The following NFIL3 variants were observed in gnomAD, a reference collection of about 807,000 sequenced individuals.
NFIL3 encodes the protein nuclear factor, interleukin 3 regulated, also known as nuclear factor interleukin-3-regulated protein.
Under a neutral mutation model 10.0 loss-of-function variants are expected in NFIL3, and 5 were observed. The observed-to-expected ratio is 0.50, with a 90% CI of 0.26 to 1.06. The LOEUF (loss-of-function observed/expected upper bound fraction) is 1.06. Among genes scored for constraint, NFIL3 ranks in the 50% least tolerant of loss-of-function variants. The pLI is 0.13. For missense variants in NFIL3, 436 were observed against 547.6 expected, an observed-to-expected ratio of 0.80 and a Z score of 2.03; for synonymous variants, 202 against 206.5, an observed-to-expected ratio of 0.98 and a Z score of 0.19.
chr9:91,476,287 G>A, the NFIL3 span, among the ~76,000 whole-genome samples: 1 of 152,090 alleles, frequency 6.6e-6, no homozygotes. Flanking sequence ...AAAGAATCAC[G>A]ACTGACCGGG....
chr9:91,428,859 A>G, the NFIL3 span, among the ~76,000 whole-genome samples: 2 of 152,238 alleles, frequency 1.3e-5, no homozygotes, highest in Non-Finnish European at 2.9e-5. Context: ...TTCAGATTAA[A>G]TGGTATATGT....
rs1462936313 is a variant in NFIL3, at chr9:91,409,730, C to A, written c.1005G>T (p.Gln335His). ...CATTATCAAAGGCTTCTACTTTGAT[C>A]TGCATGGCTTTGGCTTTGATCCGGA... ...HKLRIKAKAMQIKVEAFDNEF... is the reference protein window; with the variant it reads ...HKLRIKAKAMHIKVEAFDNEF... Residue 335 changes from glutamine (Q) to histidine (H), a missense_variant, in exon 2 of 2, where the codon CAG (glutamine) becomes CAT (histidine). Coordinates refer to ENST00000297689, the MANE Select transcript of NFIL3 (RefSeq NM_005384.3). 1 of 1,614,072 alleles carries A rather than the reference C, an allele frequency of 6.2e-7. No individual in the cohort carries two copies. The highest frequency in any genetic ancestry group is 1.3e-5 in the African/African-American group (1 of 74,914).
At chr9:91,444,734 T>C in the NFIL3 span, among the ~76,000 whole-genome samples, 8 of 152,252 alleles carry the variant, frequency 5.3e-5, no homozygotes, top group East Asian at 1.5e-3. Flanking sequence ...GCCTCAGTGG[T>C]CTAGGCTGCA....
At chr9:91,425,262 C>T (rs1833858519), upstream of NFIL3, among the ~76,000 whole-genome samples, 1 of 152,226 alleles carries the variant, frequency 6.6e-6, no homozygotes, top group Non-Finnish European at 1.5e-5. Flanking sequence ...GGTACCATCC[C>T]TAGTGTCTGC....
At chr9:91,434,544 GT>G in the NFIL3 span, among the ~76,000 whole-genome samples, 1 of 152,062 alleles carries the variant, frequency 6.6e-6, no homozygotes, top group African/African-American at 2.4e-5. Context: ...AAACCCAGAA[GT>G]TACAAAAGAA....
At chr9:91,467,866 T>G in the NFIL3 span, among the ~76,000 whole-genome samples, 1 of 152,234 alleles carries the variant, frequency 6.6e-6, no homozygotes, top group Non-Finnish European at 1.5e-5. Context: ...AGACATGAAC[T>G]CATCCTTTTT....
the NFIL3 span, among the ~76,000 whole-genome samples, chr9:91,482,919 G>T: frequency 6.6e-6 from 1 of 152,184 alleles, no homozygotes; most frequent in Non-Finnish European, 1.5e-5. Context: ...CCCGAAAGGC[G>T]CACATGTCAG....
At chr9:91,432,854 A>G in the NFIL3 span, among the ~76,000 whole-genome samples, 1 of 152,202 alleles carries the variant, frequency 6.6e-6, no homozygotes, top group Non-Finnish European at 1.5e-5. Flanking sequence ...TGATAAAAGG[A>G]AAACATTTTG....
chr9:91,432,810 C>A, the NFIL3 span, among the ~76,000 whole-genome samples: 1 of 152,096 alleles, frequency 6.6e-6, no homozygotes, highest in Non-Finnish European at 1.5e-5. Context: ...GCTAAAGTAG[C>A]TGGAGAGTAG....
the NFIL3 span, among the ~76,000 whole-genome samples, chr9:91,430,422 T>C: frequency 4.5e-3 from 691 of 152,182 alleles, 9 homozygotes; most frequent in African/African-American, 0.016. Context: ...TACTGACTAC[T>C]TAGCAGGGGC....
At chr9:91,424,913 G>C (rs1385237739), upstream of NFIL3, among the ~76,000 whole-genome samples, 2 of 152,212 alleles carry the variant, frequency 1.3e-5, no homozygotes, top group Non-Finnish European at 2.9e-5. Context: ...CTACGGAAGA[G>C]ACGTAAAAAA....
At chr9:91,453,259 C>T in the NFIL3 span, among the ~76,000 whole-genome samples, 44 of 152,138 alleles carry the variant, frequency 2.9e-4, no homozygotes, top group African/African-American at 8.9e-4. Flanking sequence ...TTAGGGCCCA[C>T]ACTAATGACC....
the NFIL3 span, among the ~76,000 whole-genome samples, chr9:91,458,020 G>C: frequency 1.3e-5 from 2 of 151,616 alleles, no homozygotes; most frequent in African/African-American, 4.8e-5. Flanking sequence ...ACCCCACTTT[G>C]CCATGTTATA....
At chr9:91,473,513 C>G in the NFIL3 span, among the ~76,000 whole-genome samples, 1 of 152,238 alleles carries the variant, frequency 6.6e-6, no homozygotes, top group South Asian at 2.1e-4. Flanking sequence ...ACCCGCCGAG[C>G]CAGGCATGGG....
the NFIL3 span, among the ~76,000 whole-genome samples, chr9:91,451,063 C>T: frequency 0.42 from 63,845 of 152,028 alleles, 17,368 homozygotes; most frequent in African/African-American, 0.77. Context: ...CTCAAGAAAA[C>T]GTTCTTTTTT....
the NFIL3 span, among the ~76,000 whole-genome samples, chr9:91,442,171 CTT>C: frequency 6.6e-6 from 1 of 151,970 alleles, no homozygotes; most frequent in Non-Finnish European, 1.5e-5. Flanking sequence ...CTGTGAAAGA[CTT>C]TATTTCTCCT....
upstream of NFIL3, among the ~76,000 whole-genome samples, chr9:91,425,115 C>T (rs887612138): frequency 1.7e-4 from 26 of 152,182 alleles, no homozygotes; most frequent in African/African-American, 5.6e-4. Context: ...AGGACCTCCA[C>T]CAGCCAGCTC....
upstream of NFIL3, among the ~76,000 whole-genome samples, chr9:91,428,781 A>G (rs1833895063): frequency 6.6e-6 from 1 of 152,260 alleles, no homozygotes; most frequent in African/African-American, 2.4e-5. Context: ...CACTATTACA[A>G]AAACTGAAAC....
the NFIL3 span, among the ~76,000 whole-genome samples, chr9:91,481,476 G>A: frequency 6.6e-6 from 1 of 151,818 alleles, no homozygotes; most frequent in East Asian, 1.9e-4. Flanking sequence ...TACAATCATA[G>A]TCATCTGCTT....
Sources: gnomAD v4.1 joint callset for allele counts (sites outside exome capture counted in the v4.1 genomes callset) on GRCh38, gnomAD v4.1.1 for gene constraint, MANE v1.5 for transcripts, NCBI Gene and HGNC (gene_info 2026-07-23, HGNC 2026-07-21) for gene names.